Variants in PRPF6 observed in about 807,000 individuals in gnomAD.
PRPF6 encodes the protein pre-mRNA processing factor 6.
Under a neutral mutation model 118.3 loss-of-function variants are expected in PRPF6, and 42 were observed. That is an observed-to-expected ratio of 0.35 (90% confidence interval 0.28 to 0.46). The LOEUF (loss-of-function observed/expected upper bound fraction) is 0.46. Among genes scored for constraint, PRPF6 ranks in the 20% least tolerant of loss-of-function variants. PRPF6 has a pLI of 1.00. For missense variants in PRPF6, 662 were observed against 1,255.7 expected, an observed-to-expected ratio of 0.53 and a Z score of 7.15; for synonymous variants, 481 against 485.1, an observed-to-expected ratio of 0.99 and a Z score of 0.11.
At position 64,015,163 on chromosome 20, in the gene PRPF6, G is replaced by A. The variant is rs529592591; in HGVS notation, c.1525-1560G>A. On this transcript the variant is annotated intron_variant, in intron 11 of 20. Transcript: ENST00000266079. Reference sequence around the variant, plus strand: ...AGAGACATGATTTGCAACTACAGATGGTCCCTGACTTCCCATGGTTTGACT... The same window carrying A: ...AGAGACATGATTTGCAACTACAGATAGTCCCTGACTTCCCATGGTTTGACT... Among the ~76,000 whole-genome samples, 111 of 152,322 alleles carry A rather than the reference G, an allele frequency of 7.3e-4. 1 individual carries two copies. Among genetic ancestry groups the A allele is most frequent in the African/African-American group, 2.6e-3 (107 of 41,570 alleles).
At chr20:64,001,590 G>A (rs1016101468) in intron 9 of PRPF6, among the ~76,000 whole-genome samples, 1 of 152,226 alleles carries the variant, frequency 6.6e-6, no homozygotes, top group Non-Finnish European at 1.5e-5. Context: ...GAGATGGTCT[G>A]TGTGAAGAGC....
Position 63,999,648 on chromosome 20 carries a change from G to T in PRPF6, c.912G>T (p.Thr304=). Residue 304 remains threonine (T), a synonymous_variant, in exon 8 of 21, where the codon ACG becomes ACT. Coordinates refer to ENST00000266079, the MANE Select transcript of PRPF6 (RefSeq NM_012469.4). ...ARLLLKSVRE[T]NPHHPPAWIA... ...TGCTCCTCAAGTCTGTTCGGGAGAC[G>T]AACCCTCATCACCCGCCAGCCTGGA... 2 of 1,614,166 alleles carry T rather than the reference G, an allele frequency of 1.2e-6. No individual in the cohort carries two copies. The highest frequency in any genetic ancestry group is 1.1e-5 in the South Asian group (1 of 91,082).
At chr20:64,005,478 T>C (rs544977616) in intron 9 of PRPF6, among the ~76,000 whole-genome samples, 4 of 152,310 alleles carry the variant, frequency 2.6e-5, no homozygotes, top group Non-Finnish European at 5.9e-5. Context: ...CTTCTCTCTA[T>C]GCCTAGTCGC....
intron 4 of PRPF6, 103 bp from the exon 5 acceptor site, chr20:63,994,813 A>G: frequency 6.9e-7 from 1 of 1,457,132 alleles, no homozygotes; most frequent in African/African-American, 1.4e-5. Context: ...TCCCTTCTAA[A>G]GCTTGGTGAT....
chr20:64,026,122 C>T lies in PRPF6; in HGVS notation c.2028+64C>T. 2 of 1,593,148 alleles carry T rather than the reference C, an allele frequency of 1.3e-6. No individual in the cohort carries two copies. The highest frequency in any genetic ancestry group is 2.2e-5 in the East Asian group (1 of 44,762). ...ATGGTGTGCACATGCGGGCCCCACG[C>T]CTGGCTTGGGTGGTGATGGGAGTGA... On this transcript the variant is annotated intron_variant, in intron 15 of 20. Coordinates refer to ENST00000266079, the MANE Select transcript of PRPF6 (RefSeq NM_012469.4). The surrounding 1 kb of genome is among the most constrained non-coding windows in gnomAD (Gnocchi z 4.4).
At chr20:63,996,429 C>T (rs2059141565) in intron 6 of PRPF6, among the ~76,000 whole-genome samples, 1 of 152,204 alleles carries the variant, frequency 6.6e-6, no homozygotes, top group East Asian at 1.9e-4. Flanking sequence ...ATCCTTCCAC[C>T]TCAGCCTGCC....
chr20:64,026,093 G>A lies in PRPF6; in HGVS notation c.2028+35G>A. 2 of 1,597,758 alleles carry A rather than the reference G, an allele frequency of 1.3e-6. No individual in the cohort carries two copies. Among genetic ancestry groups the A allele is most frequent in the Non-Finnish European group, 1.7e-6 (2 of 1,179,320 alleles). On this transcript the variant is annotated intron_variant, in intron 15 of 20. Coordinates refer to ENST00000266079, the MANE Select transcript of PRPF6 (RefSeq NM_012469.4). This position sits in a 1 kb window ranked among gnomAD's most constrained non-coding sequence, Gnocchi z 4.4. ...GGCAGGCAGGGCTGGGCCGTCTGGG[G>A]TGCATGGTGTGCACATGCGGGCCCC...
intron 3 of PRPF6, among the ~76,000 whole-genome samples, chr20:63,990,866 G>C (rs541927414): frequency 1.8e-4 from 27 of 152,092 alleles, no homozygotes; most frequent in Admixed American, 6.5e-4. Flanking sequence ...ATGTTAGCCA[G>C]GCTGGTCTTG....
At chr20:63,993,061 C>G (rs1465460787) in intron 3 of PRPF6, among the ~76,000 whole-genome samples, 2 of 151,558 alleles carry the variant, frequency 1.3e-5, no homozygotes, top group Non-Finnish European at 2.9e-5. Context: ...ACTAAAAACA[C>G]AAAAATTAGC....
At chr20:64,009,279 CAAAAAAA>C (rs59045216) in intron 9 of PRPF6, among the ~76,000 whole-genome samples, 5 of 38,234 alleles carry the variant, frequency 1.3e-4, no homozygotes, top group African/African-American at 1.9e-4. Context: ...GACTCCATCG[CAAAAAAA>C]AAAAAAAAAA....
chr20:63,984,835 A>T, intron 2 of PRPF6, 72 bp from the exon 3 acceptor site: 1 of 1,072,570 alleles, frequency 9.3e-7, no homozygotes, highest in Non-Finnish European at 1.4e-6. Flanking sequence ...TCACAAGTAG[A>T]GATCTCCGTT....
chr20:63,981,408 G>A (rs1175634069), intron 1 of PRPF6, 92 bp downstream of exon 1: 2 of 1,272,012 alleles, frequency 1.6e-6, no homozygotes, highest in East Asian at 5.1e-5. Flanking sequence ...CTATGGCCGC[G>A]CAGTCTGAAA....
intron 3 of PRPF6, among the ~76,000 whole-genome samples, chr20:63,988,363 G>A (rs543760212): frequency 6.6e-6 from 1 of 151,748 alleles, no homozygotes; most frequent in East Asian, 1.9e-4. Context: ...CGGGTGTGGG[G>A]GTGCACGCCT....
At chr20:63,983,468 CT>C (rs570846288) in intron 2 of PRPF6, among the ~76,000 whole-genome samples, 60 of 128,900 alleles carry the variant, frequency 4.7e-4, no homozygotes, top group Middle Eastern at 4.2e-3. Flanking sequence ...ATTGCCCAGT[CT>C]TTTTTTTTTT....
chr20:64,032,201 C>T (rs1019116464), intron 20 of PRPF6, among the ~76,000 whole-genome samples, 157 bp downstream of exon 20: 1 of 152,212 alleles, frequency 6.6e-6, no homozygotes, highest in Non-Finnish European at 1.5e-5. Context: ...TCCTCGACAC[C>T]TCCCCACAAG....
chr20:63,985,141 ATAGC>A lies in PRPF6; in HGVS notation c.359+120_359+123del. On this transcript the variant is annotated intron_variant, in intron 3 of 20. Coordinates refer to ENST00000266079, the MANE Select transcript of PRPF6 (RefSeq NM_012469.4). Reference sequence around the variant, plus strand: ...CACTTTGAGAGGCTGAGGTAGGACGATAGCTAGAGCCCAGGGGTTTGAGACCAGT... The same window carrying A: ...CACTTTGAGAGGCTGAGGTAGGACGATAGAGCCCAGGGGTTTGAGACCAGT... 5 of 784,372 alleles carry A rather than the reference ATAGC, an allele frequency of 6.4e-6. 1 individual carries two copies. The South Asian group carries it at 6.9e-5, about 11-fold the overall frequency. The allele number at this position is 784,372 out of a possible 1,614,324, so 48.6% of individuals were successfully genotyped here.
chr20:64,026,035 C>A lies in PRPF6; in HGVS notation c.2005C>A (p.Arg669=). 6.2e-7 allele frequency: 1 copy of A among 1,608,116 alleles called. No homozygotes were observed. The highest frequency in any genetic ancestry group is 8.5e-7 in the Non-Finnish European group (1 of 1,179,892). The change falls in exon 15 of 21, where the codon CGG becomes AGG. Residue 669 remains arginine, a synonymous_variant. Transcript: ENST00000266079. This position sits in a 1 kb window ranked among gnomAD's most constrained non-coding sequence, Gnocchi z 4.4. ...GGCCCGGAGGCTGCTGGCCAAGGCG[C>A]GGAGCAGTGCCCCCACCGCCCGGGT... The part of the protein sequence containing the change: ...ERARRLLAKA[R]SSAPTARVFM...
intron 19 of PRPF6, among the ~76,000 whole-genome samples, chr20:64,031,672 CAAA>C (rs568394576): frequency 1.1e-4 from 8 of 75,854 alleles, no homozygotes; most frequent in African/African-American, 2.0e-4. Context: ...GACTCCTTCT[CAAA>C]AAAAAAAAAA....
chr20:63,982,945 A>C, intron 1 of PRPF6, 102 bp from the exon 2 acceptor site: 2 of 1,383,454 alleles, frequency 1.4e-6, no homozygotes, highest in East Asian at 2.5e-5. Context: ...AGGTTTCCCA[A>C]AGGTGTTAGA....
Sources: gnomAD v4.1 joint callset for allele counts (sites outside exome capture counted in the v4.1 genomes callset) on GRCh38, gnomAD v4.1.1 for gene constraint, Gnocchi (gnomAD v3.1) non-coding constraint, MANE v1.5 for transcripts, NCBI Gene and HGNC (gene_info 2026-07-23, HGNC 2026-07-21) for gene names.